The following PUDP variants were observed in gnomAD, a reference collection of about 807,000 sequenced individuals.
PUDP encodes the protein pseudouridine-5'-phosphatase.
A neutral mutation model predicts 9.4 loss-of-function variants in PUDP; 8 were observed. The ratio of observed to expected loss-of-function variants is 0.85; its 90% CI spans 0.50 to 1.53. The LOEUF (loss-of-function observed/expected upper bound fraction) is 1.53. Among genes scored for constraint, PUDP ranks in the 40% most tolerant of loss-of-function variants. The pLI is 0.00. For synonymous variants in PUDP, 99 were observed against 80.7 expected (o/e 1.23, Z -1.22); for missense variants, 188 against 189.7 (o/e 0.99, Z 0.05).
intron 3 of PUDP, among the ~76,000 whole-genome samples, chrX:6,864,952 G>A (rs922079673): frequency 6.9e-4 from 77 of 111,486 alleles, no homozygotes; most frequent in African/African-American, 2.3e-3. Flanking sequence ...AAAGGTCCTC[G>A]TAATTAAGAT....
At chrX:6,772,453 A>G (rs1398147177) in intron 3 of PUDP, among the ~76,000 whole-genome samples, 1 of 110,522 alleles carries the variant, frequency 9.0e-6, no homozygotes, top group East Asian at 2.8e-4. Context: ...AACAGAGAAA[A>G]TCATTCTCCA....
chrX:6,848,402 C>T (rs1389554152), intron 3 of PUDP, among the ~76,000 whole-genome samples: 3 of 112,039 alleles, frequency 2.7e-5, no homozygotes, highest in Non-Finnish European at 5.6e-5. Context: ...AGTCTGCAGT[C>T]GAGAGGCCGT....
rs764746813 is a variant in PUDP at position 6,858,202 on chromosome X, G to A, written c.*247+118931C>T. On this transcript the variant is annotated intron_variant and NMD_transcript_variant, in intron 3 of 3. Transcript: ENST00000655425. The stretch of plus-strand genomic sequence containing the variant: ...AACTCAGTAGAGCTTCCTGGCTGGT[G>A]AACATCTTGATATGCTGGGAGAAGG... 7.5e-4 allele frequency among the ~76,000 whole-genome samples: 84 copies of A among 111,432 alleles called. 1 individual carries two copies. Among genetic ancestry groups the A allele is most frequent in the Non-Finnish European group, 1.3e-3 (68 of 53,037 alleles).
At chrX:6,739,140 T>C in intron 3 of PUDP, among the ~76,000 whole-genome samples, 1 of 111,913 alleles carries the variant, frequency 8.9e-6, no homozygotes, top group Admixed American at 9.5e-5. Flanking sequence ...AATCATCTGA[T>C]AGAGCCACAT....
intron 3 of PUDP, among the ~76,000 whole-genome samples, chrX:6,804,637 C>A (rs1295576223): frequency 9.0e-6 from 1 of 111,322 alleles, no homozygotes; most frequent in African/African-American, 3.3e-5. Flanking sequence ...GATGTGGAGT[C>A]TGTGCAGGTC....
chrX:6,845,738 A>T (rs1449881346), intron 3 of PUDP, among the ~76,000 whole-genome samples: 1 of 112,532 alleles, frequency 8.9e-6, no homozygotes, highest in Non-Finnish European at 1.9e-5. Flanking sequence ...TAGAAGAAAC[A>T]ATCCTGTGAA....
chrX:6,741,856 C>T (rs963185365), intron 3 of PUDP, among the ~76,000 whole-genome samples: 240 of 87,765 alleles, frequency 2.7e-3, no homozygotes, highest in African/African-American at 0.012. Context: ...CTTTCTTTTT[C>T]TTTCTTTCTT....
At chrX:6,814,562 T>A (rs745322498) in intron 3 of PUDP, among the ~76,000 whole-genome samples, 1 of 111,247 alleles carries the variant, frequency 9.0e-6, no homozygotes, top group South Asian at 3.8e-4. Context: ...CCCCTCTAAA[T>A]TTCAGAGGAA....
intron 3 of PUDP, among the ~76,000 whole-genome samples, chrX:6,834,534 C>T (rs138860312): frequency 1.3e-4 from 15 of 111,391 alleles, no homozygotes; most frequent in African/African-American, 4.9e-4. Context: ...AATTCCATGC[C>T]TGAATTCCCA....
chrX:6,770,984 A>G (rs1469917150), intron 3 of PUDP, among the ~76,000 whole-genome samples: 1 of 111,884 alleles, frequency 8.9e-6, no homozygotes, highest in South Asian at 3.8e-4. Flanking sequence ...GTCATATAGA[A>G]AAGTTAAATC....
At chrX:6,859,245 G>A (rs1260397607) in intron 3 of PUDP, among the ~76,000 whole-genome samples, 1 of 111,414 alleles carries the variant, frequency 9.0e-6, no homozygotes, top group African/African-American at 3.3e-5. Context: ...AGCAGCATGA[G>A]AACAGACTAA....
chrX:6,742,690 G>A (rs1348518020), intron 3 of PUDP, among the ~76,000 whole-genome samples: 1 of 111,932 alleles, frequency 8.9e-6, no homozygotes, highest in Non-Finnish European at 1.9e-5. Flanking sequence ...TGGGAGGATC[G>A]TGTAAGACCA....
At chrX:6,805,950 T>C (rs1926044647) in intron 3 of PUDP, among the ~76,000 whole-genome samples, 1 of 111,722 alleles carries the variant, frequency 9.0e-6, no homozygotes, top group African/African-American at 3.3e-5. Flanking sequence ...AAATGATCAT[T>C]TGGAATGCCA....
intron 3 of PUDP, among the ~76,000 whole-genome samples, chrX:7,072,722 G>C (rs1930774616): frequency 9.4e-6 from 1 of 106,226 alleles, no homozygotes; most frequent in Non-Finnish European, 1.9e-5. Context: ...GCTGAGACAG[G>C]AGAATCACTT....
At chrX:6,734,900 C>T (rs1045017243) in intron 3 of PUDP, among the ~76,000 whole-genome samples, 3 of 111,852 alleles carry the variant, frequency 2.7e-5, no homozygotes, top group Admixed American at 9.5e-5. Context: ...AGACAAATTA[C>T]GTATAGGAGG....
At chrX:6,929,337 A>C (rs1448081351) in intron 3 of PUDP, among the ~76,000 whole-genome samples, 1 of 112,488 alleles carries the variant, frequency 8.9e-6, no homozygotes, top group Non-Finnish European at 1.9e-5. Flanking sequence ...ACATTTAGGG[A>C]AACATAAGGC....
intron 3 of PUDP, among the ~76,000 whole-genome samples, chrX:7,052,563 C>T (rs1930133053): frequency 9.0e-6 from 1 of 111,700 alleles, no homozygotes; most frequent in Non-Finnish European, 1.9e-5. Flanking sequence ...TTTCTTTTTC[C>T]CTCCCTCCCT....
At position 7,132,451 on chromosome X, in the gene PUDP, T is replaced by C. The variant is rs1252893446; in HGVS notation, c.61+15602A>G. ...TGCTCAATGACTTGAAGTGGGCAAC[T>C]TTACAGGCTTTTATCAGGTTGCTGT... On this transcript the variant is annotated intron_variant, in intron 1 of 3. Coordinates refer to ENST00000381077, the MANE Select transcript of PUDP (RefSeq NM_012080.5). Among the ~76,000 whole-genome samples the C allele has an allele frequency of 3.3e-4, 37 of 111,371 alleles. 1 individual carries two copies. Among genetic ancestry groups the C allele is most frequent in the Non-Finnish European group, 1.1e-4 (6 of 53,184 alleles).
chrX:6,938,786 CTTTTTTT>C (rs764265665), intron 3 of PUDP, among the ~76,000 whole-genome samples: 2 of 83,437 alleles, frequency 2.4e-5, no homozygotes, highest in African/African-American at 4.4e-5. Context: ...TTCTTTCTTT[CTTTTTTT>C]TTTTTTTTTT....
Sources: allele counts gnomAD v4.1 joint callset (sites outside exome capture counted in the v4.1 genomes callset), GRCh38; gene constraint gnomAD v4.1.1; transcripts MANE v1.5; gene names NCBI Gene and HGNC (gene_info 2026-07-23, HGNC 2026-07-21).